CELF2: variants seen among roughly 807,000 people sequenced by gnomAD.
The protein encoded by CELF2 is CUG triplet repeat RNA-binding protein 2.
CELF2 carries 8 observed loss-of-function variants against 62.6 expected under a neutral mutation model. That is an observed-to-expected ratio of 0.13 (90% CI 0.07 to 0.23). The LOEUF is 0.23. Ranked by LOEUF, CELF2 falls within the 10% of genes least tolerant of loss-of-function variation. The pLI, the probability that CELF2 is intolerant of heterozygous loss-of-function variation, is 1.00. For synonymous variants in CELF2, 258 were observed against 250.0 expected, an observed-to-expected ratio of 1.03 and a Z score of -0.30; for missense variants, 333 against 671.0, an observed-to-expected ratio of 0.50 and a Z score of 5.56.
At chr10:10,974,035 G>T (rs1051442607) in intron 2 of CELF2, among the ~76,000 whole-genome samples, 4 of 152,148 alleles carry the variant, frequency 2.6e-5, no homozygotes, top group African/African-American at 9.7e-5. Context: ...ATGGACTTTG[G>T]GGTCAGACAC....
In CELF2 at chr10:11,238,873, T is replaced by G. The variant is rs373656588; in HGVS notation, c.355-10280T>G. Among the ~76,000 whole-genome samples the G allele has an allele frequency of 2.1e-4, 32 of 152,252 alleles. No individual in the cohort carries two copies. In the East Asian group the frequency reaches 2.5e-3, roughly 12 times the overall value. The stretch of plus-strand genomic sequence containing the variant: ...ATTTTAAGCCTATTCATTTTTCTTC[T>G]AATTTTAACATTAAATAAAGCAAAA... On this transcript the variant is annotated intron_variant, in intron 3 of 12. Transcript: ENST00000633077.
intron 1 of CELF2, among the ~76,000 whole-genome samples, chr10:10,835,959 A>C (rs913827123): frequency 9.9e-5 from 15 of 152,098 alleles, no homozygotes; most frequent in Non-Finnish European, 1.5e-4. Context: ...AAAATGTGAA[A>C]GATTAGGGGG....
At chr10:11,275,022 C>G in intron 7 of CELF2, 35 bp from the exon 8 acceptor site, 1 of 1,606,252 alleles carries the variant, frequency 6.2e-7, no homozygotes, top group Non-Finnish European at 8.5e-7. Flanking sequence ...TTTGCTCTCA[C>G]CGTCTCCACT....
chr10:11,261,153 C>T (rs2080420810), intron 5 of CELF2, among the ~76,000 whole-genome samples: 1 of 152,164 alleles, frequency 6.6e-6, no homozygotes, highest in South Asian at 2.1e-4. Flanking sequence ...TGCAGCTGAG[C>T]GGTTCACTTT....
intron 1 of CELF2, among the ~76,000 whole-genome samples, chr10:10,855,578 A>G (rs1433409522): frequency 1.4e-4 from 21 of 152,224 alleles, no homozygotes; most frequent in Non-Finnish European, 1.5e-5. Context: ...GACTTATTTT[A>G]CAGCCTGTTT....
rs1437514716 is a variant in CELF2 at position 11,296,409 on chromosome 10, CACTA to C, written c.976+7859_976+7862del. ...GCCACTTAATGAGATTTTTTATTCT[CACTA>C]AATCACAGAAATTTTTATTTCTGTG... On this transcript the variant is annotated intron_variant, in intron 9 of 12. Transcript: ENST00000633077. The surrounding 1 kb of genome is among the most constrained non-coding windows in gnomAD (Gnocchi z 5.0). 1.3e-5 allele frequency among the ~76,000 whole-genome samples: 2 copies of C among 152,226 alleles called. No homozygotes were observed. Among genetic ancestry groups the C allele is most frequent in the Admixed American group, 1.3e-4 (2 of 15,286 alleles).
intron 2 of CELF2, among the ~76,000 whole-genome samples, chr10:10,923,308 A>T (rs1477110584): frequency 6.6e-6 from 1 of 152,156 alleles, no homozygotes; most frequent in Non-Finnish European, 1.5e-5. Context: ...GGCATTTGAG[A>T]ACAGTTTTAT....
At position 11,114,254 on chromosome 10, in the gene CELF2, G is replaced by T. The variant is rs114075208; in HGVS notation, c.75-51232G>T. Among the ~76,000 whole-genome samples the T allele has an allele frequency of 2.0e-3, 310 of 152,272 alleles. 1 individual carries two copies. Among genetic ancestry groups the T allele is most frequent in the African/African-American group, 7.1e-3 (293 of 41,556 alleles). On this transcript the variant is annotated intron_variant, in intron 1 of 12. Transcript: ENST00000633077. ...CAATGAAATGAGTAATGATCAAAAA[G>T]ACTTTAAGAAATGTTTTGAACATAG...
chr10:11,202,433 A>G (rs2059423616), intron 2 of CELF2, among the ~76,000 whole-genome samples: 1 of 152,238 alleles, frequency 6.6e-6, no homozygotes, highest in Non-Finnish European at 1.5e-5. Flanking sequence ...AGATGGACAC[A>G]GTATGTGGAG....
chr10:11,121,390 C>A (rs1419329043), intron 1 of CELF2, among the ~76,000 whole-genome samples: 1 of 152,166 alleles, frequency 6.6e-6, no homozygotes, highest in Non-Finnish European at 1.5e-5. Flanking sequence ...CATTAAGCAG[C>A]ATTTTCTGTT....
intron 1 of CELF2, among the ~76,000 whole-genome samples, chr10:11,020,987 T>C (rs547065924): frequency 5.3e-5 from 8 of 152,364 alleles, no homozygotes; most frequent in Non-Finnish European, 1.0e-4. Flanking sequence ...TCATCTACAA[T>C]ATTAGCCACA....
chr10:10,587,511 C>T, the CELF2 span, among the ~76,000 whole-genome samples: 4 of 151,834 alleles, frequency 2.6e-5, no homozygotes, highest in Non-Finnish European at 5.9e-5. Context: ...ACTCATCGGT[C>T]GTGGCAAAAT....
chr10:11,078,080 C>T (rs192815982), intron 1 of CELF2, among the ~76,000 whole-genome samples: 131 of 152,232 alleles, frequency 8.6e-4, no homozygotes, highest in African/African-American at 3.0e-3. Context: ...TCCCTCCATT[C>T]GTGTTTCATC....
chr10:11,024,327 G>T (rs181017414), intron 1 of CELF2, among the ~76,000 whole-genome samples: 5 of 152,294 alleles, frequency 3.3e-5, no homozygotes, highest in African/African-American at 1.2e-4. Flanking sequence ...GAAGTCAGTC[G>T]GGTACGGTTG....
chr10:10,822,483 G>A (rs1204684478), intron 1 of CELF2, among the ~76,000 whole-genome samples: 4 of 152,166 alleles, frequency 2.6e-5, no homozygotes, highest in Non-Finnish European at 5.9e-5. Context: ...ACTAGTTGAG[G>A]CATGATATTA....
At chr10:10,856,884 A>G (rs532474374) in intron 1 of CELF2, among the ~76,000 whole-genome samples, 2 of 152,292 alleles carry the variant, frequency 1.3e-5, no homozygotes, top group East Asian at 3.9e-4. Flanking sequence ...AATTAGTACC[A>G]GACTTGCTCT....
chr10:10,930,173 T>G (rs995860692), intron 2 of CELF2, among the ~76,000 whole-genome samples: 2 of 152,176 alleles, frequency 1.3e-5, no homozygotes, highest in African/African-American at 4.8e-5. Context: ...CTTTAGAATA[T>G]TGTTAAGTTA....
chr10:10,630,023 T>C, the CELF2 span, among the ~76,000 whole-genome samples: 2 of 152,168 alleles, frequency 1.3e-5, no homozygotes, highest in Non-Finnish European at 1.5e-5. Flanking sequence ...AGAAGTTAGA[T>C]AATAAAAGAA....
Position 11,008,502 on chromosome 10 carries a change from A to C in CELF2, c.53+3062A>C, listed in dbSNP as rs1239216526. On this transcript the variant is annotated intron_variant, in intron 1 of 12. Coordinates refer to the CELF2 transcript ENST00000416382. The surrounding 1 kb of genome is among the most constrained non-coding windows in gnomAD (Gnocchi z 4.5). Reference sequence around the variant, plus strand: ...GAAAGTGAGCATTTGATTAGTATTCATATCTAGAACTTTGTAGCAAGTGCA... The same window carrying C: ...GAAAGTGAGCATTTGATTAGTATTCCTATCTAGAACTTTGTAGCAAGTGCA... 2.0e-5 allele frequency among the ~76,000 whole-genome samples: 3 copies of C among 152,240 alleles called. No individual in the cohort carries two copies. Among genetic ancestry groups the C allele is most frequent in the African/African-American group, 7.2e-5 (3 of 41,464 alleles).
Sources: allele counts gnomAD v4.1 joint callset (sites outside exome capture counted in the v4.1 genomes callset), GRCh38; gene constraint gnomAD v4.1.1; non-coding constraint Gnocchi (gnomAD v3.1); transcripts MANE v1.5; gene names NCBI Gene and HGNC (gene_info 2026-07-23, HGNC 2026-07-21).